Variants in IGSF9B observed in about 807,000 individuals in gnomAD.
The protein encoded by IGSF9B is protein turtle homolog B.
Under a neutral mutation model 143.7 loss-of-function variants are expected in IGSF9B, and 48 were observed. That is an observed-to-expected ratio of 0.33 (90% CI 0.26 to 0.42). IGSF9B has a LOEUF of 0.42. IGSF9B is among the 20% of genes least tolerant of loss of function. The pLI is 1.00. For synonymous variants in IGSF9B, 903 were observed against 833.1 expected (o/e 1.08, Z -1.44); for missense variants, 1,706 against 1,980.0 (o/e 0.86, Z 2.63).
intron 18 of IGSF9B, among the ~76,000 whole-genome samples, chr11:133,915,912 C>T (rs1939372092): frequency 6.6e-6 from 1 of 152,168 alleles, no homozygotes; most frequent in Non-Finnish European, 1.5e-5. Context: ...AAAGGGTGGG[C>T]CCACTGCGGG....
chr11:133,897,822 T>C lies in IGSF9B; in HGVS notation c.*11247A>G, dbSNP rs1939045452. 1 of 152,240 alleles carries C rather than the reference T, an allele frequency of 6.6e-6. No individual in the cohort carries two copies. The highest frequency in any genetic ancestry group is 6.5e-5 in the Admixed American group (1 of 15,288). 9.4% of individuals were successfully genotyped at this position (152,240 alleles called of 1,614,324 possible). A position where few individuals can be genotyped will look rare whatever the true frequency, so the allele number is the denominator to read the frequency against. On this transcript the variant is annotated 3_prime_UTR_variant, in exon 20 of 20. Transcript: ENST00000533871. ...CTCAAAGGTGTTCTGTGTGCAGCTG[T>C]ACAATTTGTTGGTTTGTCTTTAATG... is the stretch of plus-strand genomic sequence containing the variant.
At chr11:133,934,900 C>T (rs1476914331) in intron 7 of IGSF9B, among the ~76,000 whole-genome samples, 1 of 152,234 alleles carries the variant, frequency 6.6e-6, no homozygotes, top group East Asian at 1.9e-4. Context: ...GCCTTTGTTG[C>T]CTGAGTGACA....
Position 133,902,922 on chromosome 11 carries a change from A to G in IGSF9B, c.*6147T>C, listed in dbSNP as rs1939161014. On this transcript the variant is annotated 3_prime_UTR_variant, in exon 20 of 20. Coordinates refer to ENST00000533871, the MANE Select transcript of IGSF9B (RefSeq NM_001277285.4). ...ACCACCAGCGTGAGGAGGGCTGGGC[A>G]CTCGCCCCTCCCATGGCTTATATGA... Among the ~76,000 whole-genome samples the G allele has an allele frequency of 6.6e-6, 1 of 151,770 alleles. No individual in the cohort carries two copies. Among genetic ancestry groups the G allele is most frequent in the African/African-American group, 2.4e-5 (1 of 41,306 alleles).
chr11:133,921,132 T>C lies in IGSF9B; in HGVS notation c.2593A>G (p.Met865Val), dbSNP rs1422336294. The C allele has an allele frequency of 6.2e-7, 1 of 1,613,674 alleles. No homozygotes were observed. The highest frequency in any genetic ancestry group is 8.5e-7 in the Non-Finnish European group (1 of 1,179,830). Reference sequence around the variant, plus strand: ...CGCCTGCTCTTCAGCGAGGGCTCCATCTCGGCAGGGTCCATCACGAAGCGG... The same window carrying C: ...CGCCTGCTCTTCAGCGAGGGCTCCACCTCGGCAGGGTCCATCACGAAGCGG... ...DGRFVMDPAE[M>V]EPSLKSRRIE... is the part of the protein sequence containing the mutation. Residue 865 changes from methionine (M) to valine (V), a missense_variant, in exon 18 of 20, where the codon ATG becomes GTG. Physicochemically the swap from Met to Val is conservative, Grantham distance 21. Around this residue, in one of 7 missense-constraint regions of IGSF9B, gnomAD observed 880 missense variants for 762.9 expected, o/e 1.15. Coordinates refer to ENST00000533871, the MANE Select transcript of IGSF9B (RefSeq NM_001277285.4).
Position 133,899,933 on chromosome 11 carries a change from C to A in IGSF9B, c.*9136G>T, listed in dbSNP as rs960694592. On this transcript the variant is annotated 3_prime_UTR_variant, in exon 20 of 20. Coordinates refer to ENST00000533871, the MANE Select transcript of IGSF9B (RefSeq NM_001277285.4). ...AAGGATGGTGCCACTGACAGTGGCACCAGCACTGGATCCTTCCAGCTGCAT... is the reference window on the plus strand; with the variant it reads ...AAGGATGGTGCCACTGACAGTGGCAACAGCACTGGATCCTTCCAGCTGCAT... 2.0e-5 allele frequency: 3 copies of A among 152,216 alleles called. No homozygotes were observed. In the South Asian group the frequency reaches 6.2e-4, roughly 32 times the overall value. 9.4% of individuals were successfully genotyped at this position (152,216 alleles called of 1,614,324 possible).
intron 3 of IGSF9B, among the ~76,000 whole-genome samples, chr11:133,943,652 G>A (rs1939992485): frequency 6.6e-6 from 1 of 152,190 alleles, no homozygotes; most frequent in Admixed American, 6.5e-5. Context: ...CAGGATGCCT[G>A]CATTTTACTA....
rs1427030902 is a variant in IGSF9B, at chr11:133,931,665, A to G, written c.1241T>C (p.Leu414Pro). Residue 414 changes from leucine to proline, a missense_variant, in exon 9 of 20, where the codon CTT becomes CCT. Leu to Pro is a moderately conservative substitution (Grantham distance 98). Transcript: ENST00000533871. This position sits in a 1 kb window ranked among gnomAD's most constrained non-coding sequence, Gnocchi z 7.7. ...GCCCTGGGACCTCACCTTCAGGACA[A>G]GCCTCGCAGGGGCAGACTGGCCCAT... ...GTMGQSAPAR[L>P]VLKDPPYFTV... The G allele has an allele frequency of 6.2e-7, 1 of 1,609,306 alleles. No homozygotes were observed. The highest frequency in any genetic ancestry group is 1.3e-5 in the African/African-American group (1 of 74,704).
chr11:133,929,351 G>A (rs1216991570), intron 12 of IGSF9B, among the ~76,000 whole-genome samples: 2 of 152,232 alleles, frequency 1.3e-5, no homozygotes, highest in African/African-American at 2.4e-5. Flanking sequence ...TGAAGGGCAG[G>A]AGTCTCTTCC....
intron 4 of IGSF9B, 50 bp from the exon 5 acceptor site, chr11:133,937,543 C>T: frequency 7.0e-7 from 1 of 1,421,632 alleles, no homozygotes; most frequent in Non-Finnish European, 9.9e-7. Context: ...ACACCCACCG[C>T]TGCTACCCTC....
Position 133,920,303 on chromosome 11 carries a change from C to A in IGSF9B, c.3422G>T (p.Gly1141Val). The A allele has an allele frequency of 6.4e-7, 1 of 1,564,268 alleles. No individual in the cohort carries two copies. The highest frequency in any genetic ancestry group is 8.7e-7 in the Non-Finnish European group (1 of 1,155,586). Residue 1141 changes from glycine to valine, a missense_variant, in exon 18 of 20, where the codon GGC becomes GTC. Coordinates refer to ENST00000533871, the MANE Select transcript of IGSF9B (RefSeq NM_001277285.4). Reference sequence around the variant, plus strand: ...GTAAGGCAGCACAGGTATGCCCATGCCTTGGCTTGTATGTCGCAGCTGCCC... The same window carrying A: ...GTAAGGCAGCACAGGTATGCCCATGACTTGGCTTGTATGTCGCAGCTGCCC... ...SQGQLRHTSQ[G>V]MGIPVLPYPE...
chr11:133,941,451 G>A (rs1242279308), intron 3 of IGSF9B, among the ~76,000 whole-genome samples: 7 of 152,138 alleles, frequency 4.6e-5, no homozygotes, highest in South Asian at 2.1e-4. Context: ...GGTGATCCCC[G>A]TCAGAAAATG....
intron 1 of IGSF9B, among the ~76,000 whole-genome samples, chr11:133,955,270 G>GC (rs1468122595): frequency 6.6e-6 from 1 of 152,134 alleles, no homozygotes; most frequent in African/African-American, 2.4e-5. Flanking sequence ...CATCACCCTT[G>GC]CCTCAGTGTT....
rs1939190734 is a variant in IGSF9B, at chr11:133,904,995, G to C, written c.*4074C>G. On this transcript the variant is annotated 3_prime_UTR_variant, in exon 20 of 20. Coordinates refer to ENST00000533871, the MANE Select transcript of IGSF9B (RefSeq NM_001277285.4). ...GAAGAAGATACCCAGGCAGGGCTGGGTTAGAAGCCCCGGTGGGAATGTGCA... is the reference window on the plus strand; with the variant it reads ...GAAGAAGATACCCAGGCAGGGCTGGCTTAGAAGCCCCGGTGGGAATGTGCA... Among the ~76,000 whole-genome samples, 3 of 150,316 alleles carry C rather than the reference G, an allele frequency of 2.0e-5. No homozygotes were observed. Among genetic ancestry groups the C allele is most frequent in the South Asian group, 4.3e-4 (2 of 4,672 alleles).
In IGSF9B at chr11:133,946,220, C is replaced by T. The variant is rs1312673504; in HGVS notation, c.103G>A (p.Ala35Thr). ...AGGACCACGCTCTCCCCAGCTCTTGCCGTCACAAACTCGGGCTCCTCTCGC... is the reference window on the plus strand; with the variant it reads ...AGGACCACGCTCTCCCCAGCTCTTGTCGTCACAAACTCGGGCTCCTCTCGC... ...GLREEPEFVT[A>T]RAGESVVLRC... Residue 35 changes from alanine (A) to threonine (T), a missense_variant, in exon 2 of 20, where the codon GCA (alanine) becomes ACA (threonine). Ala to Thr is a moderately conservative substitution (Grantham distance 58). This residue lies in a region of IGSF9B where 171 missense variants were observed against 213.9 expected (regional missense o/e 0.80). Coordinates refer to ENST00000533871, the MANE Select transcript of IGSF9B (RefSeq NM_001277285.4). 1.2e-6 allele frequency: 2 copies of T among 1,613,684 alleles called. No homozygotes were observed. The highest frequency in any genetic ancestry group is 1.7e-6 in the Non-Finnish European group (2 of 1,179,806).
Position 133,902,425 on chromosome 11 carries a change from C to T in IGSF9B, c.*6644G>A, listed in dbSNP as rs1210493148. ...CAACACATACCACACACAATACACACACCACACCACACACACCACCCAGAC... is the reference window on the plus strand; with the variant it reads ...CAACACATACCACACACAATACACATACCACACCACACACACCACCCAGAC... On this transcript the variant is annotated 3_prime_UTR_variant, in exon 20 of 20. Transcript: ENST00000533871. Among the ~76,000 whole-genome samples, 1 of 80,298 alleles carries T rather than the reference C, an allele frequency of 1.2e-5. No homozygotes were observed. Among genetic ancestry groups the T allele is most frequent in the Non-Finnish European group, 3.2e-5 (1 of 31,150 alleles). The allele number at this position is 80,298 out of a possible 152,430, so 52.7% of individuals were successfully genotyped here. A position where few individuals can be genotyped will look rare whatever the true frequency, so the allele number is the denominator to read the frequency against.
At position 133,899,387 on chromosome 11, in the gene IGSF9B, C is replaced by CT. The variant is rs1939078998; in HGVS notation, c.*9681dup. ...TCTTCAGAGAAGCTGGAGGTCCCCT[C>CT]TGACACCCAACCTTACCTCATCTTG... On this transcript the variant is annotated 3_prime_UTR_variant, in exon 20 of 20. Transcript: ENST00000533871. 1 of 152,528 alleles carries CT rather than the reference C, an allele frequency of 6.6e-6. No individual in the cohort carries two copies. Among genetic ancestry groups the CT allele is most frequent in the Admixed American group, 6.5e-5 (1 of 15,290 alleles). 9.4% of individuals were successfully genotyped at this position (152,528 alleles called of 1,614,324 possible).
chr11:133,931,123 G>A lies in IGSF9B; in HGVS notation c.1380C>T (p.Pro460=), dbSNP rs1449194225. Residue 460 remains proline (P), a synonymous_variant, in exon 11 of 20, where the codon CCC becomes CCT. Transcript: ENST00000533871. The surrounding 1 kb of genome is among the most constrained non-coding windows in gnomAD (Gnocchi z 7.7). The part of the protein sequence containing the change: ...PVITWRKVGK[P]SRSKHSALPS... The stretch of plus-strand genomic sequence containing the variant: ...GCAGGGCACTGTGCTTGCTTCTGCT[G>A]GGCTTCCCTACCTTGGTGAACAAGG... 6.2e-7 allele frequency: 1 copy of A among 1,612,538 alleles called. No homozygotes were observed. Among genetic ancestry groups the A allele is most frequent in the Admixed American group, 1.7e-5 (1 of 59,898 alleles).
At position 133,930,716 on chromosome 11, in the gene IGSF9B, G is replaced by A. The variant is rs149466003; in HGVS notation, c.1519+268C>T. Among the ~76,000 whole-genome samples the A allele has an allele frequency of 9.0e-3, 1,363 of 152,258 alleles. 4 individuals are homozygous for A. Among genetic ancestry groups the A allele is most frequent in the Non-Finnish European group, 0.015 (1,012 of 68,004 alleles). ...TGCAGTCCCTGCCAGCCACACAGCC[G>A]CCTCTTTCCCTCAGGTGGGCTGCTG... is the stretch of plus-strand genomic sequence containing the variant. On this transcript the variant is annotated intron_variant, in intron 11 of 19. Transcript: ENST00000533871.
At position 133,931,846 on chromosome 11, in the gene IGSF9B, T is replaced by C; in HGVS notation, c.1111-51A>G. 1 of 1,597,204 alleles carries C rather than the reference T, an allele frequency of 6.3e-7. No homozygotes were observed. The highest frequency in any genetic ancestry group is 8.5e-7 in the Non-Finnish European group (1 of 1,174,306). On this transcript the variant is annotated intron_variant, in intron 8 of 19. Transcript: ENST00000533871. This position sits in a 1 kb window ranked among gnomAD's most constrained non-coding sequence, Gnocchi z 7.7. ...GGAACGCTGGTCAGAGACTCCGCGC[T>C]CCATCCCAGGCTGGGTCCCAGCTGG...
Sources: allele counts gnomAD v4.1 joint callset (sites outside exome capture counted in the v4.1 genomes callset), GRCh38; gene constraint gnomAD v4.1.1; regional missense constraint gnomAD v4.1.1; non-coding constraint Gnocchi (gnomAD v3.1); transcripts MANE v1.5; gene names NCBI Gene and HGNC (gene_info 2026-07-23, HGNC 2026-07-21).